Variants in GAN observed in about 807,000 individuals in gnomAD.
The protein encoded by GAN is gigaxonin, also known as epididymis secretory sperm binding protein.
Under a neutral mutation model 71.3 loss-of-function variants are expected in GAN, and 48 were observed. The ratio of observed to expected loss-of-function variants is 0.67; its 90% CI spans 0.53 to 0.86. The LOEUF (loss-of-function observed/expected upper bound fraction) is 0.86. Among genes scored for constraint, GAN ranks in the 40% least tolerant of loss-of-function variants. The probability of loss-of-function intolerance (pLI) is 0.00; values close to 1 mark genes in which losing one functional copy is unlikely to be tolerated. For missense variants in GAN, 928 were observed against 770.1 expected, an observed-to-expected ratio of 1.21 and a Z score of -2.43; for synonymous variants, 386 against 276.8, an observed-to-expected ratio of 1.39 and a Z score of -3.92.
intron 1 of GAN, among the ~76,000 whole-genome samples, chr16:81,340,672 A>G (rs1909911898): frequency 6.6e-6 from 1 of 152,096 alleles, no homozygotes; most frequent in Admixed American, 6.5e-5. Context: ...AACCACAAAG[A>G]TGGGGAGAAA....
chr16:81,317,555 A>G (rs1274181927), intron 1 of GAN, among the ~76,000 whole-genome samples: 1 of 152,232 alleles, frequency 6.6e-6, no homozygotes, highest in African/African-American at 2.4e-5. Context: ...TGAATTAGGA[A>G]ATATCTGTAG....
Position 81,378,796 on chromosome 16 carries a change from C to G in GAN, c.*1200C>G, listed in dbSNP as rs563303572. The G allele has an allele frequency of 6.5e-6, 1 of 152,726 alleles. No individual in the cohort carries two copies. The highest frequency in any genetic ancestry group is 1.9e-4 in the East Asian group (1 of 5,184). The allele number at this position is 152,726 out of a possible 1,614,324, so 9.5% of individuals were successfully genotyped here. ...CAAATTAATCTTTTCCTCCTTCCCT[C>G]CTTTCCTATCTCTCATTCTCACCTC... On this transcript the variant is annotated 3_prime_UTR_variant, in exon 11 of 11. Coordinates refer to ENST00000648994, the MANE Select transcript of GAN (RefSeq NM_022041.4).
At chr16:81,327,080 T>C (rs1909415807) in intron 1 of GAN, among the ~76,000 whole-genome samples, 1 of 152,224 alleles carries the variant, frequency 6.6e-6, no homozygotes, top group African/African-American at 2.4e-5. Flanking sequence ...TGGACTGTTT[T>C]AGATGGCATG....
chr16:81,316,686 C>A lies in GAN; in HGVS notation c.167+1406C>A, dbSNP rs138031437. ...CTTTAGATGCATTATTGTTATAGTT[C>A]TTTAAATGGCATCCGTTTGGCTTAA... is the stretch of plus-strand genomic sequence containing the variant. On this transcript the variant is annotated intron_variant, in intron 1 of 10. Transcript: ENST00000648994. 2.1e-3 allele frequency among the ~76,000 whole-genome samples: 317 copies of A among 152,310 alleles called. 1 individual carries two copies. The highest frequency in any genetic ancestry group is 7.3e-3 in the African/African-American group (302 of 41,562).
In GAN at chr16:81,388,501, G is replaced by C. The variant is rs752084635; in HGVS notation, c.*10905G>C. On this transcript the variant is annotated 3_prime_UTR_variant, in exon 11 of 11. Coordinates refer to ENST00000648994, the MANE Select transcript of GAN (RefSeq NM_022041.4). ...CCAAGGACACATCCCAGCGCCTTAG[G>C]CACCTGTAGGCTAGAATGACACCTT... 8.5e-5 allele frequency: 13 copies of C among 152,512 alleles called. No homozygotes were observed. Among genetic ancestry groups the C allele is most frequent in the Admixed American group, 2.0e-4 (3 of 15,288 alleles). The allele number at this position is 152,512 out of a possible 1,614,324, so 9.4% of individuals were successfully genotyped here.
At chr16:81,326,120 T>C (rs1277567640) in intron 1 of GAN, among the ~76,000 whole-genome samples, 2 of 152,166 alleles carry the variant, frequency 1.3e-5, no homozygotes, top group African/African-American at 4.8e-5. Context: ...CCTCATTTAG[T>C]GTGGAAAACC....
chr16:81,364,015 T>C, intron 7 of GAN, 72 bp downstream of exon 7: 1 of 1,097,652 alleles, frequency 9.1e-7, no homozygotes. Context: ...CTTCATATCC[T>C]GAATAAACCT....
chr16:81,359,448 G>GT (rs1283327503), intron 5 of GAN, among the ~76,000 whole-genome samples: 3 of 127,498 alleles, frequency 2.4e-5, no homozygotes, highest in African/African-American at 5.6e-5. Context: ...GATTTTGACT[G>GT]TTTTTTTGTC....
At position 81,377,842 on chromosome 16, in the gene GAN, A is replaced by G; in HGVS notation, c.*246A>G. On this transcript the variant is annotated 3_prime_UTR_variant, in exon 11 of 11. Coordinates refer to ENST00000648994, the MANE Select transcript of GAN (RefSeq NM_022041.4). Reference sequence around the variant, plus strand: ...AATGTGGCTGTAGATGTTGGAGGCTAGGGAGGCTAGTAAATATCAAAAGGA... The same window carrying G: ...AATGTGGCTGTAGATGTTGGAGGCTGGGGAGGCTAGTAAATATCAAAAGGA... 1.8e-6 allele frequency: 1 copy of G among 566,716 alleles called. No homozygotes were observed. The highest frequency in any genetic ancestry group is 2.1e-5 in the South Asian group (1 of 47,814). The allele number at this position is 566,716 out of a possible 1,614,324, so 35.1% of individuals were successfully genotyped here.
At chr16:81,322,425 G>A (rs562532304) in intron 1 of GAN, among the ~76,000 whole-genome samples, 3 of 152,254 alleles carry the variant, frequency 2.0e-5, no homozygotes, top group Non-Finnish European at 4.4e-5. Context: ...CATTTCAATA[G>A]AGTAAGGCTT....
In GAN at chr16:81,388,889, G is replaced by C. The variant is rs1904483001; in HGVS notation, c.*11293G>C. ...CCACCTTTTCATATTTTTTTTAAAA[G>C]GAATTTGTGCTTCAAAAGAAACTCC... On this transcript the variant is annotated 3_prime_UTR_variant, in exon 11 of 11. Coordinates refer to ENST00000648994, the MANE Select transcript of GAN (RefSeq NM_022041.4). The C allele has an allele frequency of 6.6e-6, 1 of 152,178 alleles. No homozygotes were observed. Among genetic ancestry groups the C allele is most frequent in the Non-Finnish European group, 1.5e-5 (1 of 68,020 alleles). 9.4% of individuals were successfully genotyped at this position (152,178 alleles called of 1,614,324 possible). A position where few individuals can be genotyped will look rare whatever the true frequency, so the allele number is the denominator to read the frequency against.
chr16:81,321,276 C>G (rs1164603089), intron 1 of GAN, among the ~76,000 whole-genome samples: 1 of 152,154 alleles, frequency 6.6e-6, no homozygotes, highest in African/African-American at 2.4e-5. Flanking sequence ...TATCGTAGAA[C>G]TTTCCCGAGG....
intron 1 of GAN, among the ~76,000 whole-genome samples, chr16:81,350,518 AT>A (rs11430822): frequency 0.12 from 17,265 of 145,042 alleles, 1,063 homozygotes; most frequent in Non-Finnish European, 0.14. Context: ...TACTTACTTA[AT>A]TTTTTTTTTT....
At chr16:81,343,584 C>G (rs537160932) in intron 1 of GAN, among the ~76,000 whole-genome samples, 4 of 152,148 alleles carry the variant, frequency 2.6e-5, no homozygotes, top group Non-Finnish European at 5.9e-5. Flanking sequence ...ATGGTAAAAA[C>G]TCTCAATAAA....
Position 81,354,563 on chromosome 16 carries a change from T to C in GAN, c.441T>C (p.His147=). ...IRDFALHYCL[H]HVHYLATEYL... is the part of the protein sequence containing the mutation. Reference sequence around the variant, plus strand: ...ACTTTGCACTACATTACTGCCTCCATCACGTTCATTACCTTGCCACAGAAT... The same window carrying C: ...ACTTTGCACTACATTACTGCCTCCACCACGTTCATTACCTTGCCACAGAAT... The change falls in exon 3 of 11, where the codon CAT becomes CAC. Residue 147 remains histidine, a synonymous_variant. Transcript: ENST00000648994. 6.2e-7 allele frequency: 1 copy of C among 1,614,166 alleles called. No individual in the cohort carries two copies. The highest frequency in any genetic ancestry group is 1.1e-5 in the South Asian group (1 of 91,082).
intron 5 of GAN, among the ~76,000 whole-genome samples, chr16:81,358,772 A>G (rs889273279): frequency 6.6e-6 from 1 of 152,170 alleles, no homozygotes; most frequent in African/African-American, 2.4e-5. Context: ...GCTGATAGAA[A>G]AGATAGCCAT....
In GAN at chr16:81,327,771, CAG is replaced by C. The variant is rs1188774257; in HGVS notation, c.167+12492_167+12493del. Among the ~76,000 whole-genome samples, 4 of 150,196 alleles carry C rather than the reference CAG, an allele frequency of 2.7e-5. No homozygotes were observed. In the East Asian group the frequency reaches 5.8e-4, roughly 22 times the overall value. On this transcript the variant is annotated intron_variant, in intron 1 of 10. Transcript: ENST00000648994. Reference sequence around the variant, plus strand: ...CCAGATAAGCCAGTTTTTAATTAGACAGGGGAAACTTGTAAGAGTGCTCCCCA... The same window carrying C: ...CCAGATAAGCCAGTTTTTAATTAGACGGGAAACTTGTAAGAGTGCTCCCCA...
rs1338405992 is a variant in GAN at position 81,385,153 on chromosome 16, G to T, written c.*7557G>T. The T allele has an allele frequency of 6.6e-6, 1 of 152,162 alleles. No homozygotes were observed. Among genetic ancestry groups the T allele is most frequent in the African/African-American group, 2.4e-5 (1 of 41,386 alleles). The allele number at this position is 152,162 out of a possible 1,614,324, so 9.4% of individuals were successfully genotyped here. A position where few individuals can be genotyped will look rare whatever the true frequency, so the allele number is the denominator to read the frequency against. On this transcript the variant is annotated 3_prime_UTR_variant, in exon 11 of 11. Transcript: ENST00000648994. ...ATGCTTGTGCTTTTCAGAGTAAAGG[G>T]CTTGCTTTCAATAGTAGAATGACAA...
rs80283207 is a variant in GAN at position 81,320,307 on chromosome 16, G to C, written c.167+5027G>C. 4.4e-3 allele frequency among the ~76,000 whole-genome samples: 668 copies of C among 152,308 alleles called. 3 individuals carry two copies. The highest frequency in any genetic ancestry group is 7.7e-3 in the Non-Finnish European group (523 of 68,036). On this transcript the variant is annotated intron_variant, in intron 1 of 10. Transcript: ENST00000648994. ...TAATGTCACATGGGCACTAAAGTCC[G>C]TGAGTACTATGTGGTGTGTGCAGAG...
Sources: allele counts gnomAD v4.1 joint callset (sites outside exome capture counted in the v4.1 genomes callset), GRCh38; gene constraint gnomAD v4.1.1; transcripts MANE v1.5; gene names NCBI Gene and HGNC (gene_info 2026-07-23, HGNC 2026-07-21).